Variants in NCEH1 observed in about 807,000 individuals in gnomAD.
NCEH1 encodes 2-acetyl MAGE hydrolase.
Under a neutral mutation model 25.4 loss-of-function variants are expected in NCEH1, and 9 were observed. The observed-to-expected ratio is 0.35, with a 90% confidence interval of 0.21 to 0.62. The LOEUF (loss-of-function observed/expected upper bound fraction) is 0.62. Ranked by LOEUF, NCEH1 falls within the 20% of genes least tolerant of loss-of-function variation. The pLI is 0.72. For missense variants in NCEH1, 412 were observed against 501.1 expected, an observed-to-expected ratio of 0.82 and a Z score of 1.70; for synonymous variants, 200 against 199.8, an observed-to-expected ratio of 1.00 and a Z score of -0.01.
In NCEH1 at chr3:172,685,121, A is replaced by G. The variant is rs1173580549; in HGVS notation, c.138+25726T>C. 2.0e-5 allele frequency among the ~76,000 whole-genome samples: 3 copies of G among 151,750 alleles called. No individual in the cohort carries two copies. The South Asian group carries it at 6.3e-4, about 32-fold the overall frequency. On this transcript the variant is annotated intron_variant, in intron 1 of 4. Transcript: ENST00000475381. ...AGCCTGGGCATCATGGTAAAACCCC[A>G]TCTCTACTAAAAATACAAAAAGCTA...
intron 3 of NCEH1, among the ~76,000 whole-genome samples, chr3:172,645,213 G>T (rs745682305): frequency 6.6e-6 from 1 of 152,000 alleles, no homozygotes. Flanking sequence ...TGTTGAACAC[G>T]TATTTCTGTT....
At chr3:172,699,095 C>G (rs1054195646) in intron 1 of NCEH1, among the ~76,000 whole-genome samples, 2 of 152,048 alleles carry the variant, frequency 1.3e-5, no homozygotes, top group Admixed American at 6.5e-5. Flanking sequence ...AAAACGCTAG[C>G]AGAGTGTTGA....
Position 172,656,269 on chromosome 3 carries a change from AAGAG to A in NCEH1, c.139-8159_139-8156del, listed in dbSNP as rs1343666662. Among the ~76,000 whole-genome samples the A allele has an allele frequency of 2.0e-5, 3 of 152,290 alleles. No homozygotes were observed. In the East Asian group the frequency reaches 5.8e-4, roughly 29 times the overall value. ...CGTGCTTCTTGGGAAAGAGCTTGTCAAGAGAGAGACAAAGTTACAGAAGTAAAAG... is the reference window on the plus strand; with the variant it reads ...CGTGCTTCTTGGGAAAGAGCTTGTCAAGAGACAAAGTTACAGAAGTAAAAG... On this transcript the variant is annotated intron_variant, in intron 1 of 4. Coordinates refer to ENST00000475381, the MANE Select transcript of NCEH1 (RefSeq NM_020792.6).
chr3:172,648,767 C>G (rs1045947747), intron 1 of NCEH1, among the ~76,000 whole-genome samples: 7 of 152,104 alleles, frequency 4.6e-5, no homozygotes, highest in Admixed American at 1.3e-4. Flanking sequence ...GAGGCAAAGA[C>G]CATACTGCCT....
chr3:172,646,159 C>T (rs1277833559), intron 2 of NCEH1, among the ~76,000 whole-genome samples: 1 of 152,114 alleles, frequency 6.6e-6, no homozygotes, highest in African/African-American at 2.4e-5. Flanking sequence ...TGAGACCAGC[C>T]TGAGCAACAT....
At chr3:172,635,501 A>T (rs972409429) in intron 4 of NCEH1, among the ~76,000 whole-genome samples, 6 of 152,212 alleles carry the variant, frequency 3.9e-5, no homozygotes, top group Non-Finnish European at 8.8e-5. Flanking sequence ...ATTAAAAAAA[A>T]GTTGGGGAAA....
At chr3:172,685,026 C>T (rs977069267) in intron 1 of NCEH1, among the ~76,000 whole-genome samples, 6 of 151,164 alleles carry the variant, frequency 4.0e-5, no homozygotes, top group Admixed American at 1.3e-4. Flanking sequence ...CCAGGCCTAG[C>T]GGCTTACACT....
intron 1 of NCEH1, among the ~76,000 whole-genome samples, chr3:172,710,353 G>A (rs1380107659): frequency 1.3e-5 from 2 of 152,184 alleles, no homozygotes; most frequent in Non-Finnish European, 1.5e-5. Flanking sequence ...CGGGAACGGA[G>A]CGCTCCACAG....
intron 1 of NCEH1, among the ~76,000 whole-genome samples, chr3:172,693,493 T>C (rs1051401207): frequency 4.0e-5 from 6 of 150,452 alleles, no homozygotes; most frequent in Non-Finnish European, 5.9e-5. Context: ...GTGGTTAGAG[T>C]TGGGGATGAG....
chr3:172,677,723 T>C (rs1712095980), intron 1 of NCEH1, among the ~76,000 whole-genome samples: 1 of 152,148 alleles, frequency 6.6e-6, no homozygotes, highest in African/African-American at 2.4e-5. Flanking sequence ...GGTCAGGAGA[T>C]TGAGACCATC....
chr3:172,708,938 A>C (rs1714154341), intron 1 of NCEH1, among the ~76,000 whole-genome samples: 1 of 152,226 alleles, frequency 6.6e-6, no homozygotes, highest in African/African-American at 2.4e-5. Context: ...TATTGGGTAG[A>C]ATATGTTTCC....
Position 172,649,822 on chromosome 3 carries a change from C to T in NCEH1, c.139-1708G>A, listed in dbSNP as rs758747402. 1.3e-4 allele frequency among the ~76,000 whole-genome samples: 20 copies of T among 152,170 alleles called. 1 individual carries two copies. The highest frequency in any genetic ancestry group is 7.2e-5 in the African/African-American group (3 of 41,444). On this transcript the variant is annotated intron_variant, in intron 1 of 4. Coordinates refer to ENST00000475381, the MANE Select transcript of NCEH1 (RefSeq NM_020792.6). Reference sequence around the variant, plus strand: ...GACAGGTAGTTTGACTGGCACGAAACGATGAAATATGAACAAAGAAATGGC... The same window carrying T: ...GACAGGTAGTTTGACTGGCACGAAATGATGAAATATGAACAAAGAAATGGC...
chr3:172,695,775 C>G (rs1463932138), intron 1 of NCEH1, among the ~76,000 whole-genome samples: 1 of 151,868 alleles, frequency 6.6e-6, no homozygotes, highest in Non-Finnish European at 1.5e-5. Flanking sequence ...GAAATGCTGT[C>G]TCTACTGAAA....
chr3:172,709,411 G>T (rs539248351), intron 1 of NCEH1, among the ~76,000 whole-genome samples: 9 of 152,302 alleles, frequency 5.9e-5, no homozygotes, highest in Admixed American at 3.3e-4. Flanking sequence ...TTTCATGGGG[G>T]AGGAGAGGGA....
intron 1 of NCEH1, among the ~76,000 whole-genome samples, chr3:172,666,265 C>G (rs1445686784): frequency 6.6e-6 from 1 of 152,160 alleles, no homozygotes; most frequent in Admixed American, 6.5e-5. Context: ...ATGGCTGCCT[C>G]CGGATAACAC....
At chr3:172,706,914 T>G (rs1254208529) in intron 1 of NCEH1, among the ~76,000 whole-genome samples, 7 of 152,234 alleles carry the variant, frequency 4.6e-5, no homozygotes, top group Non-Finnish European at 1.0e-4. Context: ...TTTGTTTTTT[T>G]TCTTTGTCTT....
At chr3:172,635,683 C>T (rs1716566321) in intron 4 of NCEH1, among the ~76,000 whole-genome samples, 1 of 152,168 alleles carries the variant, frequency 6.6e-6, no homozygotes, top group Non-Finnish European at 1.5e-5. Context: ...CTAACACTGA[C>T]TGTAATCAGG....
At chr3:172,646,195 AT>A (rs869216045) in intron 2 of NCEH1, among the ~76,000 whole-genome samples, 1 of 151,938 alleles carries the variant, frequency 6.6e-6, no homozygotes, top group African/African-American at 2.4e-5. Flanking sequence ...CTATAAAAAA[AT>A]TTTTTTTAAT....
intron 1 of NCEH1, among the ~76,000 whole-genome samples, chr3:172,668,935 A>G (rs1010584771): frequency 1.1e-4 from 17 of 152,106 alleles, no homozygotes; most frequent in Non-Finnish European, 2.4e-4. Context: ...GGCTAAAAAC[A>G]TAGCGACTCC....
Sources: allele counts gnomAD v4.1 joint callset (sites outside exome capture counted in the v4.1 genomes callset), GRCh38; gene constraint gnomAD v4.1.1; transcripts MANE v1.5; gene names NCBI Gene and HGNC (gene_info 2026-07-23, HGNC 2026-07-21).